Variants in ZNF285 observed in about 807,000 individuals in gnomAD.
ZNF285 encodes zinc finger protein 285A.
In ZNF285, 4 loss-of-function variants were observed where a neutral mutation model predicts 6.2. That is an observed-to-expected ratio of 0.65 (90% CI 0.32 to 1.49). The LOEUF (loss-of-function observed/expected upper bound fraction) is 1.49. ZNF285 is among the 40% of genes most tolerant of loss of function. The pLI is 0.07. For synonymous variants in ZNF285, 240 were observed against 245.8 expected (o/e 0.98, Z 0.22); for missense variants, 695 against 708.8 (o/e 0.98, Z 0.22).
chr19:44,386,383 C>T lies in ZNF285; in HGVS notation c.*89G>A, dbSNP rs561189319. 2.3e-4 allele frequency: 330 copies of T among 1,412,224 alleles called. 1 individual carries two copies. The African/African-American group carries it at 4.4e-3, about 19-fold the overall frequency. The allele number at this position is 1,412,224 out of a possible 1,614,324, so 87.5% of individuals were successfully genotyped here. A position where few individuals can be genotyped will look rare whatever the true frequency, so the allele number is the denominator to read the frequency against. Reference sequence around the variant, plus strand: ...ATGGCAGTGTCCCTGTCTTTTGCTCCCCTAGCCCTCCCACAGGCTGAGTAA... The same window carrying T: ...ATGGCAGTGTCCCTGTCTTTTGCTCTCCTAGCCCTCCCACAGGCTGAGTAA... On this transcript the variant is annotated 3_prime_UTR_variant, in exon 4 of 4. Coordinates refer to ENST00000614994, the MANE Select transcript of ZNF285 (RefSeq NM_152354.6).
intron 2 of ZNF285, among the ~76,000 whole-genome samples, chr19:44,395,762 C>T (rs1485143802): frequency 6.6e-6 from 1 of 152,088 alleles, no homozygotes; most frequent in Non-Finnish European, 1.5e-5. Context: ...CTTATTCTGG[C>T]TACCAAAATG....
At chr19:44,397,682 C>T (rs778547529) in intron 1 of ZNF285, among the ~76,000 whole-genome samples, 29 of 152,000 alleles carry the variant, frequency 1.9e-4, no homozygotes, top group Non-Finnish European at 4.1e-4. Flanking sequence ...GCCAGGAGTT[C>T]GAGACCAGCC....
rs1306954724 is a variant in ZNF285, at chr19:44,388,726, A to G, written c.143-624T>C. The stretch of plus-strand genomic sequence containing the variant: ...CTCCCATTTTATGTAGTGTGTGTGT[A>G]TATAAATAATACATATTGATGGAGT... On this transcript the variant is annotated intron_variant, in intron 3 of 3. Transcript: ENST00000614994. Among the ~76,000 whole-genome samples the G allele has an allele frequency of 2.0e-4, 24 of 122,472 alleles. No homozygotes were observed. The East Asian group carries it at 4.7e-3, about 24-fold the overall frequency. 80.3% of individuals were successfully genotyped at this position (122,472 alleles called of 152,430 possible). A position where few individuals can be genotyped will look rare whatever the true frequency, so the allele number is the denominator to read the frequency against.
At chr19:44,400,039 T>A (rs1409514049) in intron 1 of ZNF285, among the ~76,000 whole-genome samples, 1 of 150,368 alleles carries the variant, frequency 6.7e-6, no homozygotes, top group African/African-American at 2.5e-5. Context: ...CTCCAAACTT[T>A]CCTGTTGAGA....
intron 3 of ZNF285, 45 bp downstream of exon 3, chr19:44,392,295 T>C: frequency 1.2e-6 from 2 of 1,612,280 alleles, no homozygotes; most frequent in Non-Finnish European, 1.7e-6. Context: ...TTTGAAATGA[T>C]GATTTGAGGA....
In ZNF285 at chr19:44,385,272, C is replaced by T. The variant is rs1313688227; in HGVS notation, c.*1200G>A. The T allele has an allele frequency of 6.6e-6, 1 of 152,050 alleles. No homozygotes were observed. Among genetic ancestry groups the T allele is most frequent in the Non-Finnish European group, 1.5e-5 (1 of 68,026 alleles). 9.4% of individuals were successfully genotyped at this position (152,050 alleles called of 1,614,324 possible). ...ACACCTATTCTAGTTAATTTTTAAT[C>T]GCATTTAAGGTGTGAGCTGACAAAC... On this transcript the variant is annotated 3_prime_UTR_variant, in exon 4 of 4. Transcript: ENST00000614994.
chr19:44,387,746 T>C lies in ZNF285; in HGVS notation c.499A>G (p.Lys167Glu). ...AATTTCTCTTCCATGTAAATTCCCT[T>C]ATATCTTCCCTGAGAGTTCTGGGGC... Reference protein sequence around the residue: ...TEPQNSQGRYKGIYMEEKLYR... With the variant: ...TEPQNSQGRYEGIYMEEKLYR... The change falls in exon 4 of 4, where the codon AAG becomes GAG. Residue 167 changes from lysine (K) to glutamate (E), a missense_variant. Transcript: ENST00000614994. The C allele has an allele frequency of 6.2e-7, 1 of 1,613,912 alleles. No homozygotes were observed.
rs1310117033 is a variant in ZNF285, at chr19:44,401,581, A to C, written c.-57T>G. On this transcript the variant is annotated 5_prime_UTR_variant, in exon 1 of 4. Coordinates refer to ENST00000614994, the MANE Select transcript of ZNF285 (RefSeq NM_152354.6). ...GACGGGACTCACCCCAGCGTCCCAAACAATGTCGCCCGCAGCGTGCGTCCA... is the reference window on the plus strand; with the variant it reads ...GACGGGACTCACCCCAGCGTCCCAACCAATGTCGCCCGCAGCGTGCGTCCA... 1 of 152,268 alleles carries C rather than the reference A, an allele frequency of 6.6e-6. No individual in the cohort carries two copies. Among genetic ancestry groups the C allele is most frequent in the Non-Finnish European group, 1.5e-5 (1 of 68,086 alleles). The allele number at this position is 152,268 out of a possible 1,614,324, so 9.4% of individuals were successfully genotyped here. A position where few individuals can be genotyped will look rare whatever the true frequency, so the allele number is the denominator to read the frequency against.
chr19:44,386,809 G>A lies in ZNF285; in HGVS notation c.1436C>T (p.Thr479Ile). 6.2e-7 allele frequency: 1 copy of A among 1,614,210 alleles called. No individual in the cohort carries two copies. The highest frequency in any genetic ancestry group is 1.1e-5 in the South Asian group (1 of 91,090). Residue 479 changes from threonine to isoleucine, a missense_variant, in exon 4 of 4, where the codon ACT becomes ATT. Physicochemically the swap from Thr to Ile is moderately conservative, Grantham distance 89. Coordinates refer to ENST00000614994, the MANE Select transcript of ZNF285 (RefSeq NM_152354.6). ...TTCACATTTATATGGTTTTTCTCCA[G>A]TGTGAACTCTCTGATGAGTGTGAAG... ...SVLHTHQRVH[T>I]GEKPYKCEVC... is the part of the protein sequence containing the mutation.
intron 2 of ZNF285, among the ~76,000 whole-genome samples, chr19:44,394,875 T>G (rs781113219): frequency 4.6e-5 from 7 of 152,176 alleles, no homozygotes; most frequent in Non-Finnish European, 7.3e-5. Context: ...AACACTACTG[T>G]ATGCCTTCTT....
At position 44,385,126 on chromosome 19, in the gene ZNF285, A is replaced by C. The variant is rs974993502; in HGVS notation, c.*1346T>G. On this transcript the variant is annotated 3_prime_UTR_variant, in exon 4 of 4. Coordinates refer to ENST00000614994, the MANE Select transcript of ZNF285 (RefSeq NM_152354.6). ...ATCCTTTAAAAACCCATTATTATAC[A>C]GGTCTGCTGAGAAGAAGACTGCATC... 7.2e-5 allele frequency: 11 copies of C among 152,250 alleles called. No individual in the cohort carries two copies. The East Asian group carries it at 1.7e-3, about 24-fold the overall frequency. 9.4% of individuals were successfully genotyped at this position (152,250 alleles called of 1,614,324 possible).
At chr19:44,397,413 T>C (rs1003084367) in intron 1 of ZNF285, among the ~76,000 whole-genome samples, 157 bp from the exon 2 acceptor site, 5 of 152,150 alleles carry the variant, frequency 3.3e-5, no homozygotes, top group African/African-American at 7.2e-5. Flanking sequence ...TCCTCAAGAC[T>C]TCCCTAGATT....
Position 44,387,230 on chromosome 19 carries a change from T to C in ZNF285, c.1015A>G (p.Thr339Ala), listed in dbSNP as rs1971101749. The C allele has an allele frequency of 6.2e-7, 1 of 1,614,172 alleles. No homozygotes were observed. Among genetic ancestry groups the C allele is most frequent in the Non-Finnish European group, 8.5e-7 (1 of 1,180,016 alleles). The change falls in exon 4 of 4, where the codon ACA becomes GCA. Residue 339 changes from threonine to alanine, a missense_variant. Thr to Ala is a moderately conservative substitution (Grantham distance 58). Transcript: ENST00000614994. ...SSLHNHHRVH[T>A]GEMPYKCDEC... ...TCGCATTTGTAGGGCATCTCCCCTG[T>C]GTGGACTCGATGATGGTTGTGAAGG... is the stretch of plus-strand genomic sequence containing the variant.
At chr19:44,398,348 T>C (rs1286025630) in intron 1 of ZNF285, among the ~76,000 whole-genome samples, 1 of 152,134 alleles carries the variant, frequency 6.6e-6, no homozygotes, top group Non-Finnish European at 1.5e-5. Context: ...GCCAGTTAGC[T>C]TCCAGTTGGG....
intron 3 of ZNF285, among the ~76,000 whole-genome samples, chr19:44,388,425 T>A (rs1258438910): frequency 6.6e-6 from 1 of 150,792 alleles, no homozygotes; most frequent in Admixed American, 6.6e-5. Flanking sequence ...TACAAAAAAA[T>A]TAAAAATTGG....
chr19:44,387,277 T>C lies in ZNF285; in HGVS notation c.968A>G (p.Lys323Arg), dbSNP rs1971103564. The change falls in exon 4 of 4, where the codon AAG becomes AGG. Residue 323 changes from lysine (K) to arginine (R), a missense_variant. Transcript: ENST00000614994. ...AAGGGAAGAGCTGCGCCTGAAGCCC[T>C]TGCCACATTCTTTACATTTGTAGGG... ...DKPYKCKECGKGFRRSSSLHN... is the reference protein window; with the variant it reads ...DKPYKCKECGRGFRRSSSLHN... The C allele has an allele frequency of 6.2e-7, 1 of 1,614,180 alleles. No individual in the cohort carries two copies. The highest frequency in any genetic ancestry group is 1.3e-5 in the African/African-American group (1 of 75,042).
At chr19:44,397,287 G>T (rs750034497) in intron 1 of ZNF285, 31 bp from the exon 2 acceptor site, 3 of 1,612,076 alleles carry the variant, frequency 1.9e-6, no homozygotes, top group Non-Finnish European at 2.5e-6. Flanking sequence ...ATGAGATCAT[G>T]GGTTCAACAA....
rs760743556 is a variant in ZNF285 at position 44,392,458 on chromosome 19, C to T, written c.24G>A (p.Val8=). ...AGACAACAGCCACATCCTTGAATGT[C>T]ACCCTTTCCTAAAACATCAACCACA... MIKFQER[V]TFKDVAVVFT... The change falls in exon 3 of 4, where the codon GTG becomes GTA. Residue 8 remains valine, a synonymous_variant. Transcript: ENST00000614994. 1.9e-6 allele frequency: 3 copies of T among 1,613,758 alleles called. No homozygotes were observed. The highest frequency in any genetic ancestry group is 2.2e-5 in the East Asian group (1 of 44,898).
chr19:44,396,820 C>T (rs1971288446), intron 2 of ZNF285: 1 of 221,008 alleles, frequency 4.5e-6, no homozygotes, highest in Non-Finnish European at 9.1e-6. Context: ...TTGAATGAGG[C>T]CAGTCACATT....
Sources: gnomAD v4.1 joint callset for allele counts (sites outside exome capture counted in the v4.1 genomes callset) on GRCh38, gnomAD v4.1.1 for gene constraint, MANE v1.5 for transcripts, NCBI Gene and HGNC (gene_info 2026-07-23, HGNC 2026-07-21) for gene names.